The following EFTUD2 variants were observed in gnomAD, a reference collection of about 807,000 sequenced individuals.
EFTUD2 encodes 116 kDa U5 small nuclear ribonucleoprotein component.
A neutral mutation model predicts 114.3 loss-of-function variants in EFTUD2; 9 were observed. That is an observed-to-expected ratio of 0.08 (90% CI 0.05 to 0.14). EFTUD2 has a LOEUF of 0.14. Among genes scored for constraint, EFTUD2 ranks in the 10% least tolerant of loss-of-function variants. The pLI, the probability that EFTUD2 is intolerant of heterozygous loss-of-function variation, is 1.00. For missense variants in EFTUD2, 765 were observed against 1,241.2 expected (o/e 0.62, Z 5.76); for synonymous variants, 449 against 462.3 (o/e 0.97, Z 0.37).
chr17:44,894,992 T>C (rs181944997), intron 1 of EFTUD2, among the ~76,000 whole-genome samples: 1 of 152,408 alleles, frequency 6.6e-6, no homozygotes, highest in Non-Finnish European at 1.5e-5. Flanking sequence ...GTTGACACAA[T>C]GGCTCATCAC....
Position 44,859,063 on chromosome 17 carries a change from G to A in EFTUD2, c.1962+17C>T, listed in dbSNP as rs749556594. On this transcript the variant is annotated intron_variant, in intron 19 of 27. Coordinates refer to ENST00000426333, the MANE Select transcript of EFTUD2 (RefSeq NM_004247.4). Reference sequence around the variant, plus strand: ...AGTCTGGACCGTGAACCCAGCTCCCGGCAGATACTGCTGTACCTTGATGTC... The same window carrying A: ...AGTCTGGACCGTGAACCCAGCTCCCAGCAGATACTGCTGTACCTTGATGTC... The A allele has an allele frequency of 7.6e-5, 119 of 1,561,850 alleles. No individual in the cohort carries two copies. Among genetic ancestry groups the A allele is most frequent in the Admixed American group, 2.2e-4 (13 of 59,936 alleles).
intron 13 of EFTUD2, 121 bp from the exon 14 acceptor site, chr17:44,865,186 G>T: frequency 7.2e-7 from 1 of 1,385,968 alleles, no homozygotes; most frequent in Non-Finnish European, 9.7e-7. Flanking sequence ...CTTCTATGGA[G>T]ACAAAGCTCT....
Position 44,862,872 on chromosome 17 carries a change from C to T in EFTUD2, c.1448G>A (p.Ser483Asn). The T allele has an allele frequency of 6.2e-7, 1 of 1,614,146 alleles. No homozygotes were observed. The highest frequency in any genetic ancestry group is 1.1e-5 in the South Asian group (1 of 91,074). ...GTGAAACTGGACTCCATCATCTGTG[C>T]TGTACATCTTAGTAGTGTGGCACAT... Reference protein sequence around the residue: ...PLMCHTTKMYSTDDGVQFHAF... With the variant: ...PLMCHTTKMYNTDDGVQFHAF... The change falls in exon 16 of 28, where the codon AGC (serine) becomes AAC (asparagine). Residue 483 changes from serine to asparagine, a missense_variant. This residue lies in a region of EFTUD2 where 149 missense variants were observed against 245.1 expected (regional missense o/e 0.61). Coordinates refer to ENST00000426333, the MANE Select transcript of EFTUD2 (RefSeq NM_004247.4).
Position 44,854,107 on chromosome 17 carries a change from T to C in EFTUD2, c.2347+162A>G. On this transcript the variant is annotated intron_variant, in intron 23 of 27. Coordinates refer to ENST00000426333, the MANE Select transcript of EFTUD2 (RefSeq NM_004247.4). The surrounding 1 kb of genome is among the most constrained non-coding windows in gnomAD (Gnocchi z 4.3). ...CCATTTCCAGGCTACACCACCAGGA[T>C]AAGGAAGGAAAAGGGAAGAAGCTGG... 6.9e-7 allele frequency: 1 copy of C among 1,439,678 alleles called. No homozygotes were observed. The allele number at this position is 1,439,678 out of a possible 1,614,324, so 89.2% of individuals were successfully genotyped here.
At chr17:44,888,261 GACTTT>G (rs1480983371) in intron 2 of EFTUD2, among the ~76,000 whole-genome samples, 13 of 152,162 alleles carry the variant, frequency 8.5e-5, no homozygotes, top group Admixed American at 2.0e-4. Flanking sequence ...TAAGAATTTG[GACTTT>G]ACTTTTACTC....
intron 16 of EFTUD2, among the ~76,000 whole-genome samples, chr17:44,861,395 C>T (rs1414222715): frequency 7.3e-6 from 1 of 137,876 alleles, no homozygotes; most frequent in Admixed American, 7.8e-5. Flanking sequence ...CAGTGAGCCG[C>T]AATCACGCCA....
rs371135831 is a variant in EFTUD2, at chr17:44,854,234, C to T, written c.2347+35G>A. ...TCATATGCCTGGCTGCAAGGACCCTCGAGGACTGGGGTGGGGGAGTGCTGG... is the reference window on the plus strand; with the variant it reads ...TCATATGCCTGGCTGCAAGGACCCTTGAGGACTGGGGTGGGGGAGTGCTGG... On this transcript the variant is annotated intron_variant, in intron 23 of 27. Coordinates refer to ENST00000426333, the MANE Select transcript of EFTUD2 (RefSeq NM_004247.4). The surrounding 1 kb of genome is among the most constrained non-coding windows in gnomAD (Gnocchi z 4.3). 57 of 1,584,526 alleles carry T rather than the reference C, an allele frequency of 3.6e-5. No homozygotes were observed. Among genetic ancestry groups the T allele is most frequent in the Non-Finnish European group, 4.1e-5 (48 of 1,164,222 alleles).
Position 44,863,652 on chromosome 17 carries a change from T to C in EFTUD2, c.1413+3A>G. ...AGAGAACCGGGGAGCCACATGCCCT[T>C]ACATCAGGGTCACAGTCACTCATAG... On this transcript the variant is annotated splice_donor_region_variant and intron_variant, in intron 15 of 27. Coordinates refer to ENST00000426333, the MANE Select transcript of EFTUD2 (RefSeq NM_004247.4). The C allele has an allele frequency of 6.2e-7, 1 of 1,612,424 alleles. No individual in the cohort carries two copies. Among genetic ancestry groups the C allele is most frequent in the Non-Finnish European group, 8.5e-7 (1 of 1,179,060 alleles).
chr17:44,878,968 A>G (rs2051021073), intron 9 of EFTUD2, among the ~76,000 whole-genome samples: 1 of 152,094 alleles, frequency 6.6e-6, no homozygotes, highest in Non-Finnish European at 1.5e-5. Context: ...ACAAGAACAT[A>G]CACTCCTCCC....
chr17:44,863,546 G>A, intron 15 of EFTUD2, 109 bp downstream of exon 15: 1 of 1,468,094 alleles, frequency 6.8e-7, no homozygotes, highest in Non-Finnish European at 9.2e-7. Context: ...TCATGGGGAT[G>A]GGGAGGCAAG....
intron 12 of EFTUD2, 126 bp from the exon 13 acceptor site, chr17:44,868,023 T>C: frequency 9.9e-7 from 1 of 1,006,584 alleles, no homozygotes; most frequent in South Asian, 1.8e-5. Flanking sequence ...GACTGTAAAG[T>C]TTCCAGAGAC....
chr17:44,895,354 G>T (rs957357357), intron 1 of EFTUD2, among the ~76,000 whole-genome samples: 1 of 152,118 alleles, frequency 6.6e-6, no homozygotes, highest in Admixed American at 6.5e-5. Flanking sequence ...AAATTAGCTG[G>T]GTACGGTGGC....
At chr17:44,897,587 C>A (rs947317109) in intron 1 of EFTUD2, among the ~76,000 whole-genome samples, 3 of 152,058 alleles carry the variant, frequency 2.0e-5, no homozygotes, top group African/African-American at 7.2e-5. Context: ...TTTTTTGAGA[C>A]GGAGTCCCGC....
At chr17:44,856,440 G>T (rs1291092871) in intron 20 of EFTUD2, among the ~76,000 whole-genome samples, 4 of 151,826 alleles carry the variant, frequency 2.6e-5, no homozygotes, top group African/African-American at 7.3e-5. Context: ...TGAGGCACAA[G>T]AATTGCTTGA....
Position 44,851,133 on chromosome 17 carries a change from G to A in EFTUD2, c.*141C>T. The stretch of plus-strand genomic sequence containing the variant: ...CTCTCACTGGGGCTCTGGGTTGGAG[G>A]TTGGTGAGTTGTTCAAGATGGCAAC... On this transcript the variant is annotated 3_prime_UTR_variant, in exon 28 of 28. Transcript: ENST00000426333. 1 of 706,466 alleles carries A rather than the reference G, an allele frequency of 1.4e-6. No homozygotes were observed. Among genetic ancestry groups the A allele is most frequent in the East Asian group, 2.5e-5 (1 of 39,336 alleles). The allele number at this position is 706,466 out of a possible 1,614,324, so 43.8% of individuals were successfully genotyped here.
At chr17:44,883,547 G>A in intron 5 of EFTUD2, 102 bp downstream of exon 5, 2 of 1,100,948 alleles carry the variant, frequency 1.8e-6, no homozygotes, top group Admixed American at 3.5e-5. Flanking sequence ...AGGAGGTTGA[G>A]CCTTGTGACC....
At chr17:44,867,980 C>G (rs1265684029) in intron 12 of EFTUD2, 83 bp from the exon 13 acceptor site, 1 of 1,308,044 alleles carries the variant, frequency 7.6e-7, no homozygotes, top group African/African-American at 1.5e-5. Context: ...AGTGCTGAAT[C>G]TGAACAACAG....
chr17:44,869,869 C>T (rs1169957575), intron 11 of EFTUD2, among the ~76,000 whole-genome samples: 1 of 152,210 alleles, frequency 6.6e-6, no homozygotes, highest in Non-Finnish European at 1.5e-5. Context: ...CCATTCATCA[C>T]TCTGTGGGAT....
rs74807403 is a variant in EFTUD2 at position 44,880,274 on chromosome 17, T to C, written c.619+280A>G. ...GACTCACCTTTAGCTCCCCAGCAGA[T>C]AGCATGGGGCCTGACAGGCTGAAAT... On this transcript the variant is annotated intron_variant, in intron 8 of 27. Transcript: ENST00000426333. Among the ~76,000 whole-genome samples, 16,271 of 152,178 alleles carry C rather than the reference T, an allele frequency of 0.11. 876 individuals are homozygous for C. Among genetic ancestry groups the C allele is most frequent in the Middle Eastern group, 0.26 (75 of 294 alleles).
Sources: allele counts gnomAD v4.1 joint callset (sites outside exome capture counted in the v4.1 genomes callset), GRCh38; gene constraint gnomAD v4.1.1; regional missense constraint gnomAD v4.1.1; non-coding constraint Gnocchi (gnomAD v3.1); transcripts MANE v1.5; gene names NCBI Gene and HGNC (gene_info 2026-07-23, HGNC 2026-07-21).